The following RYR2 variants were observed in gnomAD, a reference collection of about 807,000 sequenced individuals.
The protein encoded by RYR2 is ryanodine receptor 2, also known as cardiac muscle ryanodine receptor-calcium release channel.
RYR2 carries 227 observed loss-of-function variants against 601.1 expected under a neutral mutation model. That is an observed-to-expected ratio of 0.38 (90% CI 0.34 to 0.42). The LOEUF (loss-of-function observed/expected upper bound fraction) is 0.42, where lower values mean the gene tolerates loss of function less well. Among genes scored for constraint, RYR2 ranks in the 10% least tolerant of loss-of-function variants. The pLI, the probability that RYR2 is intolerant of heterozygous loss-of-function variation, is 1.00. For synonymous variants in RYR2, 2,223 were observed against 2,175.1 expected (o/e 1.02, Z -0.61); for missense variants, 4,646 against 6,156.5 (o/e 0.75, Z 8.21).
At chr1:237,573,594 C>T (rs1039071138) in intron 29 of RYR2, among the ~76,000 whole-genome samples, 1 of 149,618 alleles carries the variant, frequency 6.7e-6, no homozygotes, top group African/African-American at 2.5e-5. Context: ...TGGCGGATCA[C>T]AAGATCAGGA....
At chr1:237,143,271 T>C (rs1673589704) in intron 1 of RYR2, among the ~76,000 whole-genome samples, 1 of 152,200 alleles carries the variant, frequency 6.6e-6, no homozygotes, top group Non-Finnish European at 1.5e-5. Context: ...ACCCAAACTT[T>C]CTGACATGAG....
intron 8 of RYR2, among the ~76,000 whole-genome samples, chr1:237,380,224 G>A (rs1405119972): frequency 1.3e-5 from 2 of 150,956 alleles, no homozygotes; most frequent in Non-Finnish European, 3.0e-5. Flanking sequence ...TAGAGAAACT[G>A]AAAGATCAAG....
intron 98 of RYR2, among the ~76,000 whole-genome samples, chr1:237,805,556 G>A (rs1244575171): frequency 6.9e-6 from 1 of 144,110 alleles, no homozygotes; most frequent in East Asian, 2.0e-4. Flanking sequence ...ACTCCAGCCT[G>A]GGCGACAGAG....
intron 74 of RYR2, among the ~76,000 whole-genome samples, chr1:237,725,230 A>C (rs1232453898): frequency 6.6e-6 from 1 of 152,168 alleles, no homozygotes; most frequent in African/African-American, 2.4e-5. Context: ...GAGTTTTTCA[A>C]ACTGTTAAGA....
intron 1 of RYR2, among the ~76,000 whole-genome samples, chr1:237,191,070 T>C (rs1679918353): frequency 6.6e-6 from 1 of 152,184 alleles, no homozygotes; most frequent in South Asian, 2.1e-4. Context: ...CTTTAATCCA[T>C]TTTGAATTAA....
At chr1:237,263,132 T>A (rs952548427) in intron 1 of RYR2, among the ~76,000 whole-genome samples, 1 of 152,152 alleles carries the variant, frequency 6.6e-6, no homozygotes, top group Non-Finnish European at 1.5e-5. Context: ...ACAGGATCGG[T>A]AATTTTCCTC....
chr1:237,666,926 G>A (rs1279960514), intron 57 of RYR2, among the ~76,000 whole-genome samples: 1 of 151,668 alleles, frequency 6.6e-6, no homozygotes, highest in Non-Finnish European at 1.5e-5. Context: ...AAAAAAAAAA[G>A]TTGATACAAC....
intron 1 of RYR2, among the ~76,000 whole-genome samples, chr1:237,205,382 C>T (rs1482252021): frequency 6.6e-6 from 1 of 152,178 alleles, no homozygotes; most frequent in African/African-American, 2.4e-5. Flanking sequence ...GCTGCTGGTC[C>T]AGCTGTGGGC....
intron 1 of RYR2, among the ~76,000 whole-genome samples, chr1:237,268,202 T>C (rs1354642052): frequency 6.6e-6 from 1 of 152,186 alleles, no homozygotes; most frequent in Non-Finnish European, 1.5e-5. Flanking sequence ...GCCTCTAGCA[T>C]CCAAAAGAGT....
chr1:237,484,025 C>T (rs1465854705), intron 17 of RYR2, among the ~76,000 whole-genome samples: 3 of 152,144 alleles, frequency 2.0e-5, no homozygotes, highest in African/African-American at 4.8e-5. Context: ...TCCACTGTTT[C>T]CTTTACATGG....
intron 8 of RYR2, among the ~76,000 whole-genome samples, chr1:237,382,919 T>TG (rs965393489): frequency 1.3e-5 from 2 of 151,626 alleles, no homozygotes; most frequent in African/African-American, 4.8e-5. Flanking sequence ...TTTTTGTTTT[T>TG]TTTTTTTCAG....
intron 15 of RYR2, among the ~76,000 whole-genome samples, chr1:237,455,443 G>A (rs530722455): frequency 3.4e-4 from 51 of 152,094 alleles, no homozygotes; most frequent in Non-Finnish European, 5.9e-4. Context: ...AGGAGGGCAA[G>A]GGTCGAGAAA....
At chr1:237,712,384 G>T (rs1013304925) in intron 71 of RYR2, among the ~76,000 whole-genome samples, 3 of 152,142 alleles carry the variant, frequency 2.0e-5, no homozygotes, top group African/African-American at 4.8e-5. Flanking sequence ...TGGGCTCTGG[G>T]TTGGTTGACT....
chr1:237,367,992 C>T (rs1700339120), intron 5 of RYR2, among the ~76,000 whole-genome samples: 2 of 152,048 alleles, frequency 1.3e-5, no homozygotes, highest in East Asian at 3.9e-4. Flanking sequence ...GAGGAGGGTT[C>T]TTGTGTAGAG....
chr1:237,167,385 C>T (rs1368350400), intron 1 of RYR2, among the ~76,000 whole-genome samples: 1 of 152,204 alleles, frequency 6.6e-6, no homozygotes, highest in Admixed American at 6.5e-5. Context: ...CGGTCCCACT[C>T]TTCTTAGAGG....
chr1:237,832,651 C>T lies in RYR2; in HGVS notation c.*4C>T. 6.3e-7 allele frequency: 1 copy of T among 1,592,692 alleles called. No homozygotes were observed. The highest frequency in any genetic ancestry group is 8.6e-7 in the Non-Finnish European group (1 of 1,162,072). ...GTATGAAGACCAGCTAAATTAAACT[C>T]AGACCCAATCACCTCTAAAAACCAA... On this transcript the variant is annotated 3_prime_UTR_variant, in exon 105 of 105. Transcript: ENST00000366574.
At chr1:237,789,056 T>A (rs1658019462) in intron 92 of RYR2, among the ~76,000 whole-genome samples, 1 of 151,610 alleles carries the variant, frequency 6.6e-6, no homozygotes, top group African/African-American at 2.4e-5. Context: ...GCATAATTTT[T>A]ATAAATTTTT....
intron 91 of RYR2, among the ~76,000 whole-genome samples, chr1:237,787,359 G>A (rs1157652980): frequency 1.3e-5 from 2 of 151,990 alleles, no homozygotes; most frequent in Non-Finnish European, 2.9e-5. Flanking sequence ...GGAGGCCGAG[G>A]CGGGCGGATC....
At chr1:237,371,435 G>T (rs1457489460) in intron 6 of RYR2, among the ~76,000 whole-genome samples, 3 of 152,178 alleles carry the variant, frequency 2.0e-5, no homozygotes, top group Non-Finnish European at 4.4e-5. Flanking sequence ...GGGATTACAG[G>T]CATGAGCCAC....
Sources: allele counts gnomAD v4.1 joint callset (sites outside exome capture counted in the v4.1 genomes callset), GRCh38; gene constraint gnomAD v4.1.1; transcripts MANE v1.5; gene names NCBI Gene and HGNC (gene_info 2026-07-23, HGNC 2026-07-21).